ZNF195: variants seen among roughly 807,000 people sequenced by gnomAD.
ZNF195 encodes hypoxia-regulated factor-1.
ZNF195 carries 11 observed loss-of-function variants against 19.5 expected under a neutral mutation model. The observed-to-expected ratio is 0.57, with a 90% CI of 0.36 to 0.94. The LOEUF is 0.94. Ranked by LOEUF, ZNF195 falls within the 40% of genes least tolerant of loss-of-function variation. ZNF195 has a pLI of 0.01. For missense variants in ZNF195, 582 were observed against 709.0 expected (o/e 0.82, Z 2.03); for synonymous variants, 214 against 248.1 (o/e 0.86, Z 1.29).
intron 1 of ZNF195, among the ~76,000 whole-genome samples, chr11:3,378,398 G>C (rs12272426): frequency 3.2e-4 from 49 of 151,934 alleles, no homozygotes; most frequent in African/African-American, 7.0e-4. Context: ...ATCTAACTCA[G>C]ATGCGTTTCT....
intron 3 of ZNF195, among the ~76,000 whole-genome samples, chr11:3,366,247 G>C (rs1236128184): frequency 6.2e-4 from 72 of 115,926 alleles, no homozygotes; most frequent in African/African-American, 2.3e-3. Flanking sequence ...CTGGGCGACA[G>C]AGCAAGACTC....
At chr11:3,362,031 G>A (rs2134693199) in intron 3 of ZNF195, 142 bp from the exon 4 acceptor site, 1 of 448,366 alleles carries the variant, frequency 2.2e-6, no homozygotes, top group African/African-American at 2.0e-5. Context: ...TGCACTTCCA[G>A]CCTGAGTGAC....
At chr11:3,366,855 A>C in intron 3 of ZNF195, 1 of 435,762 alleles carries the variant, frequency 2.3e-6, no homozygotes, top group South Asian at 1.6e-5. Flanking sequence ...ACTTGAGCCC[A>C]GGAGTCCGAG....
chr11:3,375,246 GT>G (rs1346165467), intron 1 of ZNF195, among the ~76,000 whole-genome samples: 2 of 152,110 alleles, frequency 1.3e-5, no homozygotes, highest in African/African-American at 4.8e-5. Flanking sequence ...TTACAATTCT[GT>G]TTTTCCTAAA....
At chr11:3,373,752 A>G (rs763943706) in intron 1 of ZNF195, 2 of 874,532 alleles carry the variant, frequency 2.3e-6, no homozygotes, top group Non-Finnish European at 3.5e-6. Context: ...ATACAGAAAA[A>G]GTCCACGCTT....
At chr11:3,373,293 T>C (rs1032914004) in intron 1 of ZNF195, among the ~76,000 whole-genome samples, 1 of 152,186 alleles carries the variant, frequency 6.6e-6, no homozygotes, top group African/African-American at 2.4e-5. Context: ...TATCCACAAG[T>C]TCAGTGCCAC....
chr11:3,360,836 C>T lies in ZNF195; in HGVS notation c.374-48G>A, dbSNP rs144090930. On this transcript the variant is annotated intron_variant, in intron 4 of 5. Transcript: ENST00000399602. ...AACAGTCTGTTACGTTTACCCACTGCAGCCCCCGCTCCTCCGCAGTATAGC... is the reference window on the plus strand; with the variant it reads ...AACAGTCTGTTACGTTTACCCACTGTAGCCCCCGCTCCTCCGCAGTATAGC... 462 of 1,521,248 alleles carry T rather than the reference C, an allele frequency of 3.0e-4. No individual in the cohort carries two copies. The African/African-American group carries it at 5.7e-3, about 19-fold the overall frequency. 94.2% of individuals were successfully genotyped at this position (1,521,248 alleles called of 1,614,324 possible).
intron 4 of ZNF195, 127 bp from the exon 5 acceptor site, chr11:3,360,915 A>G (rs1024987800): frequency 2.2e-5 from 17 of 772,498 alleles, no homozygotes; most frequent in Non-Finnish European, 3.3e-5. Flanking sequence ...CAAAAGAGAA[A>G]GCAAATACTG....
intron 1 of ZNF195, among the ~76,000 whole-genome samples, chr11:3,372,701 G>T (rs1374001134): frequency 3.6e-5 from 2 of 55,590 alleles, no homozygotes; most frequent in African/African-American, 5.5e-5. Context: ...ATATCTCCCA[G>T]GTTCTGACAA....
chr11:3,376,151 C>A (rs926591870), intron 1 of ZNF195, among the ~76,000 whole-genome samples: 1 of 152,134 alleles, frequency 6.6e-6, no homozygotes, highest in Non-Finnish European at 1.5e-5. Context: ...CCTGTGGGTC[C>A]CCAGTGCTCC....
chr11:3,364,055 G>C (rs1455373916), intron 3 of ZNF195, among the ~76,000 whole-genome samples: 2 of 151,090 alleles, frequency 1.3e-5, no homozygotes, highest in South Asian at 2.2e-4. Context: ...TACTAACCAA[G>C]AACACTTGAT....
chr11:3,372,112 C>T (rs371801497), intron 1 of ZNF195, among the ~76,000 whole-genome samples: 21 of 152,158 alleles, frequency 1.4e-4, no homozygotes, highest in African/African-American at 4.1e-4. Flanking sequence ...GAATTTCTAA[C>T]GCGCTCACCA....
chr11:3,371,709 G>A lies in ZNF195; in HGVS notation c.4-6C>T. ...TCCCTGAACGTCAACAGAGTCTGAAGAAGAAACAACAACAATAACAAATAC... is the reference window on the plus strand; with the variant it reads ...TCCCTGAACGTCAACAGAGTCTGAAAAAGAAACAACAACAATAACAAATAC... On this transcript the variant is annotated splice_polypyrimidine_tract_variant and splice_region_variant and intron_variant, in intron 1 of 5. Coordinates refer to ENST00000399602, the MANE Select transcript of ZNF195 (RefSeq NM_001130520.3). 2.5e-6 allele frequency: 4 copies of A among 1,590,446 alleles called. No individual in the cohort carries two copies. Among genetic ancestry groups the A allele is most frequent in the South Asian group, 2.3e-5 (2 of 88,206 alleles).
chr11:3,369,680 C>T (rs1366209650), intron 3 of ZNF195, among the ~76,000 whole-genome samples: 3 of 152,170 alleles, frequency 2.0e-5, no homozygotes, highest in South Asian at 2.1e-4. Flanking sequence ...TGGAATCTGT[C>T]GTGGCTGAAC....
chr11:3,371,053 G>A lies in ZNF195; in HGVS notation c.148C>T (p.Pro50Ser), dbSNP rs746786235. 6.2e-7 allele frequency: 1 copy of A among 1,613,750 alleles called. No homozygotes were observed. ...LFSVGLTVCK[P>S]GLITCLEQRK... ...TGCTCCAGGCAGGTGATCAGGCCTGGCTTACAGACAGTGAGACCTGTTTTA... is the reference window on the plus strand; with the variant it reads ...TGCTCCAGGCAGGTGATCAGGCCTGACTTACAGACAGTGAGACCTGTTTTA... Residue 50 changes from proline (P) to serine (S), a missense_variant, in exon 3 of 6, where the codon CCA becomes TCA. Transcript: ENST00000399602.
rs1218374570 is a variant in ZNF195 at position 3,371,644 on chromosome 11, C to T, written c.63G>A (p.Leu21=). 4 of 1,614,024 alleles carry T rather than the reference C, an allele frequency of 2.5e-6. No individual in the cohort carries two copies. Among genetic ancestry groups the T allele is most frequent in the Non-Finnish European group, 3.4e-6 (4 of 1,179,932 alleles). Residue 21 remains leucine, a synonymous_variant, in exon 2 of 6, where the codon CTG becomes CTA. Coordinates refer to ENST00000399602, the MANE Select transcript of ZNF195 (RefSeq NM_001130520.3). ...TGTACAAATTCTGCTGAGCGAGGTCCAGGCATTTCCACTCCTCCAGGGAGA... is the reference window on the plus strand; with the variant it reads ...TGTACAAATTCTGCTGAGCGAGGTCTAGGCATTTCCACTCCTCCAGGGAGA... ...IEFSLEEWKC[L]DLAQQNLYRD...
At chr11:3,366,607 A>G (rs1209755131) in intron 3 of ZNF195, 2 of 153,762 alleles carry the variant, frequency 1.3e-5, no homozygotes, top group Non-Finnish European at 2.9e-5. Context: ...TTACTTATCT[A>G]TAGAGAAATG....
chr11:3,360,365 T>C lies in ZNF195; in HGVS notation c.643A>G (p.Ile215Val), dbSNP rs1361211606. The C allele has an allele frequency of 6.2e-7, 1 of 1,605,314 alleles. No homozygotes were observed. The highest frequency in any genetic ancestry group is 1.1e-5 in the South Asian group (1 of 89,778). ...NQCSSTTHSK[I>V]FQYNKYVKIF... is the part of the protein sequence containing the mutation. ...TTAACATATTTATTATATTGAAAGA[T>C]TTTGCTATGGGTAGTTGATGAACAT... The change falls in exon 6 of 6, where the codon ATC (isoleucine) becomes GTC (valine). Residue 215 changes from isoleucine (I) to valine (V), a missense_variant. Physicochemically the swap from Ile to Val is conservative, Grantham distance 29. Around this residue, in one of 3 missense-constraint regions of ZNF195, gnomAD observed 407 missense variants for 530.5 expected, o/e 0.77. Transcript: ENST00000399602.
chr11:3,367,377 T>G (rs190705575), intron 3 of ZNF195, among the ~76,000 whole-genome samples: 2 of 152,136 alleles, frequency 1.3e-5, no homozygotes, highest in East Asian at 3.9e-4. Flanking sequence ...TGATGTACCA[T>G]TAAAAAAGAA....
Sources: gnomAD v4.1 joint callset for allele counts (sites outside exome capture counted in the v4.1 genomes callset) on GRCh38, gnomAD v4.1.1 for gene constraint, gnomAD v4.1.1 regional missense constraint, MANE v1.5 for transcripts, NCBI Gene and HGNC (gene_info 2026-07-23, HGNC 2026-07-21) for gene names.